The following PTPRD variants were observed in gnomAD, a reference collection of about 807,000 sequenced individuals.
The protein encoded by PTPRD is receptor-type tyrosine-protein phosphatase delta.
A neutral mutation model predicts 214.5 loss-of-function variants in PTPRD; 34 were observed. The ratio of observed to expected loss-of-function variants is 0.16; its 90% CI spans 0.12 to 0.21. The LOEUF is 0.21. Ranked by LOEUF, PTPRD falls within the 10% of genes least tolerant of loss-of-function variation. The probability of loss-of-function intolerance (pLI) is 1.00; values close to 1 mark genes in which losing one functional copy is unlikely to be tolerated. For missense variants in PTPRD, 2,545 were observed against 2,398.7 expected (o/e 1.06, Z -1.27); for synonymous variants, 1,128 against 845.7 (o/e 1.33, Z -5.79).
At chr9:9,118,287 A>C (rs2099814242) in intron 10 of PTPRD, among the ~76,000 whole-genome samples, 1 of 152,232 alleles carries the variant, frequency 6.6e-6, no homozygotes, top group Non-Finnish European at 1.5e-5. Flanking sequence ...TCTACCTGAG[A>C]ATACATGGTA....
intron 3 of PTPRD, among the ~76,000 whole-genome samples, chr9:10,094,161 T>C (rs1181763796): frequency 6.6e-6 from 1 of 151,462 alleles, no homozygotes; most frequent in African/African-American, 2.4e-5. Flanking sequence ...CTGACCGCTG[T>C]CTTGGTTTTA....
At chr9:10,381,652 C>G (rs11999772) in intron 2 of PTPRD, among the ~76,000 whole-genome samples, 4,545 of 152,046 alleles carry the variant, frequency 0.03, 117 homozygotes, top group South Asian at 0.094. Flanking sequence ...TTTATTCTCT[C>G]TCTTTTCAAA....
chr9:9,774,451 G>A (rs183192506), intron 5 of PTPRD, among the ~76,000 whole-genome samples: 4 of 152,284 alleles, frequency 2.6e-5, no homozygotes, highest in East Asian at 3.9e-4. Flanking sequence ...GTTCAAGCAC[G>A]AGGTTCCATC....
At chr9:9,254,113 T>G (rs1226697306) in intron 9 of PTPRD, among the ~76,000 whole-genome samples, 1 of 152,068 alleles carries the variant, frequency 6.6e-6, no homozygotes, top group East Asian at 1.9e-4. Context: ...ATATTTGAAT[T>G]AATTACATCT....
chr9:8,908,939 A>C (rs1223739310), intron 11 of PTPRD, among the ~76,000 whole-genome samples: 4 of 150,352 alleles, frequency 2.7e-5, no homozygotes, highest in East Asian at 1.9e-4. Context: ...TTTGACATGA[A>C]TATGAAAATA....
intron 9 of PTPRD, among the ~76,000 whole-genome samples, chr9:9,344,256 C>T (rs140727416): frequency 1.3e-5 from 2 of 151,912 alleles, no homozygotes; most frequent in Non-Finnish European, 2.9e-5. Context: ...ATGTTCTCAC[C>T]CATAAGTGGG....
chr9:9,366,663 A>C (rs2057969295), intron 9 of PTPRD, among the ~76,000 whole-genome samples: 1 of 151,576 alleles, frequency 6.6e-6, no homozygotes, highest in Admixed American at 6.6e-5. Flanking sequence ...CATACCAGTT[A>C]CATTTCTTAT....
At chr9:10,436,494 T>A (rs2098718673) in intron 2 of PTPRD, among the ~76,000 whole-genome samples, 1 of 151,740 alleles carries the variant, frequency 6.6e-6, no homozygotes, top group Non-Finnish European at 1.5e-5. Context: ...ATAGAATAAA[T>A]CATAATGAAT....
At chr9:9,564,886 T>G (rs1475043125) in intron 8 of PTPRD, among the ~76,000 whole-genome samples, 5 of 94,152 alleles carry the variant, frequency 5.3e-5, no homozygotes, top group African/African-American at 2.4e-4. Context: ...AATCTTCTGT[T>G]TTTTTTTTTT....
intron 5 of PTPRD, among the ~76,000 whole-genome samples, chr9:9,775,674 TG>T (rs973892194): frequency 5.9e-5 from 9 of 152,282 alleles, no homozygotes; most frequent in African/African-American, 2.2e-4. Context: ...CTGGTTGCGG[TG>T]GCTCACGCCT....
intron 8 of PTPRD, among the ~76,000 whole-genome samples, chr9:9,540,123 T>C (rs970293857): frequency 6.6e-6 from 1 of 151,844 alleles, no homozygotes; most frequent in Non-Finnish European, 1.5e-5. Context: ...TACTACTGCA[T>C]ATGTAGCTTT....
rs750825729 is a variant in PTPRD, at chr9:8,321,487, G to GTATATATATA, written c.5535-1531_5535-1522dup. On this transcript the variant is annotated intron_variant, in intron 44 of 45. Coordinates refer to ENST00000381196, the MANE Select transcript of PTPRD (RefSeq NM_002839.4). ...TGTGTGTGTGTGTGTGTGTGTGTGTGTATATATATATATATATATATATAT... is the reference window on the plus strand; with the variant it reads ...TGTGTGTGTGTGTGTGTGTGTGTGTGTATATATATATATATATATATATATATATATATAT... Among the ~76,000 whole-genome samples the GTATATATATA allele has an allele frequency of 8.6e-3, 381 of 44,424 alleles. 8 individuals are homozygous for GTATATATATA. Among genetic ancestry groups the GTATATATATA allele is most frequent in the Non-Finnish European group, 0.012 (308 of 25,784 alleles). 29.1% of individuals were successfully genotyped at this position (44,424 alleles called of 152,430 possible).
At chr9:8,482,535 G>A (rs1346097156) in intron 30 of PTPRD, among the ~76,000 whole-genome samples, 1 of 151,930 alleles carries the variant, frequency 6.6e-6, no homozygotes, top group African/African-American at 2.4e-5. Flanking sequence ...TAAACTTGAG[G>A]GTGTGAGATA....
intron 9 of PTPRD, among the ~76,000 whole-genome samples, chr9:9,344,414 C>G (rs1421293763): frequency 6.6e-6 from 1 of 151,900 alleles, no homozygotes; most frequent in African/African-American, 2.4e-5. Flanking sequence ...TTGATAGGTG[C>G]AGCAAACCAC....
chr9:9,870,278 A>G (rs1289317431), intron 5 of PTPRD, among the ~76,000 whole-genome samples: 1 of 152,068 alleles, frequency 6.6e-6, no homozygotes, highest in Non-Finnish European at 1.5e-5. Context: ...TATAAAAACA[A>G]TTATAATGAT....
intron 8 of PTPRD, among the ~76,000 whole-genome samples, chr9:9,513,145 A>T (rs911691527): frequency 1.3e-5 from 2 of 151,920 alleles, no homozygotes; most frequent in African/African-American, 4.8e-5. Context: ...ATTTCCTATT[A>T]AACAGTATCA....
intron 11 of PTPRD, among the ~76,000 whole-genome samples, chr9:8,787,905 C>CCCAG (rs2096059049): frequency 6.6e-6 from 1 of 151,642 alleles, no homozygotes; most frequent in Admixed American, 6.6e-5. Flanking sequence ...CATTTTGCAC[C>CCCAG]CTATCACCTT....
In PTPRD at chr9:8,441,738, T is replaced by C. The variant is rs143807263; in HGVS notation, c.3989-5049A>G. Among the ~76,000 whole-genome samples, 137 of 152,174 alleles carry C rather than the reference T, an allele frequency of 9.0e-4. 1 individual carries two copies. The highest frequency in any genetic ancestry group is 3.0e-3 in the African/African-American group (124 of 41,518). On this transcript the variant is annotated intron_variant, in intron 34 of 45. Transcript: ENST00000381196. ...GGGTTCATCTACCTCCCCTTCTCTC[T>C]AACCTGATCCCCCATTATCTCTACC...
intron 3 of PTPRD, among the ~76,000 whole-genome samples, chr9:10,182,135 C>T (rs555283188): frequency 6.7e-6 from 1 of 149,026 alleles, no homozygotes; most frequent in East Asian, 2.0e-4. Context: ...TGGTGTGTGC[C>T]TGTAGTCCCA....
Sources: allele counts gnomAD v4.1 joint callset (sites outside exome capture counted in the v4.1 genomes callset), GRCh38; gene constraint gnomAD v4.1.1; transcripts MANE v1.5; gene names NCBI Gene and HGNC (gene_info 2026-07-23, HGNC 2026-07-21).